Variants in BMP7 observed in about 807,000 individuals in gnomAD.
BMP7 encodes osteogenic protein 1.
BMP7 carries 12 observed loss-of-function variants against 41.2 expected under a neutral mutation model. The observed-to-expected ratio is 0.29, with a 90% CI of 0.19 to 0.47. The LOEUF (loss-of-function observed/expected upper bound fraction) is 0.47, where lower values mean the gene tolerates loss of function less well. BMP7 is among the 20% of genes least tolerant of loss of function. The pLI, the probability that BMP7 is intolerant of heterozygous loss-of-function variation, is 0.99. For synonymous variants in BMP7, 248 were observed against 250.0 expected (o/e 0.99, Z 0.07); for missense variants, 467 against 606.0 (o/e 0.77, Z 2.41).
chr20:57,183,425 CT>C lies in BMP7; in HGVS notation c.958+296del, dbSNP rs10719338. ...GGTCTTCCCATCCACGTTTCAGGGT[CT>C]TTCCTTCATCTCTGTGTAGCTGCAA... On this transcript the variant is annotated intron_variant, in intron 4 of 6. Transcript: ENST00000395863. Among the ~76,000 whole-genome samples the C allele has an allele frequency of 1, 152,337 of 152,338 alleles. 76,168 individuals carry two copies. Among genetic ancestry groups the C allele is most frequent in the Non-Finnish European group, 1 (68,036 of 68,036 alleles).
intron 4 of BMP7, among the ~76,000 whole-genome samples, chr20:57,183,270 T>C (rs1003836737): frequency 6.6e-6 from 1 of 152,086 alleles, no homozygotes; most frequent in Non-Finnish European, 1.5e-5. Flanking sequence ...TATATATATA[T>C]AATATTTATC....
chr20:57,177,489 A>G (rs531048931), intron 4 of BMP7, among the ~76,000 whole-genome samples: 3 of 152,242 alleles, frequency 2.0e-5, no homozygotes, highest in Non-Finnish European at 4.4e-5. Context: ...CTGAGACTAT[A>G]GGCACTCATC....
chr20:57,237,547 G>A (rs1460894003), intron 1 of BMP7, among the ~76,000 whole-genome samples: 1 of 152,162 alleles, frequency 6.6e-6, no homozygotes, highest in African/African-American at 2.4e-5. Context: ...CAAGATTAAG[G>A]AGCTTGAAAA....
At chr20:57,187,597 G>A (rs1984245599) in intron 3 of BMP7, among the ~76,000 whole-genome samples, 1 of 151,278 alleles carries the variant, frequency 6.6e-6, no homozygotes, top group African/African-American at 2.4e-5. Context: ...ACGATTGAGG[G>A]AGGAGGGATA....
rs180762962 is a variant in BMP7 at position 57,261,790 on chromosome 20, G to A, written c.418+3915C>T. On this transcript the variant is annotated intron_variant, in intron 1 of 6. Coordinates refer to ENST00000395863, the MANE Select transcript of BMP7 (RefSeq NM_001719.3). This position sits in a 1 kb window ranked among gnomAD's most constrained non-coding sequence, Gnocchi z 4.1. ...GCCTGCAGTCCACGCTCCCCTTTGC[G>A]AAGCACTCCCTGAAGGAAATTTTTA... is the stretch of plus-strand genomic sequence containing the variant. Among the ~76,000 whole-genome samples, 3 of 152,302 alleles carry A rather than the reference G, an allele frequency of 2.0e-5. No homozygotes were observed. Among genetic ancestry groups the A allele is most frequent in the East Asian group, 3.9e-4 (2 of 5,184 alleles).
At chr20:57,196,665 T>C (rs1206264787) in intron 3 of BMP7, among the ~76,000 whole-genome samples, 1 of 152,218 alleles carries the variant, frequency 6.6e-6, no homozygotes, top group Non-Finnish European at 1.5e-5. Context: ...CTATAATGTC[T>C]CTTAAAATCG....
In BMP7 at chr20:57,257,075, C is replaced by T. The variant is rs954406308; in HGVS notation, c.418+8630G>A. 6.6e-5 allele frequency among the ~76,000 whole-genome samples: 10 copies of T among 152,278 alleles called. No individual in the cohort carries two copies. The East Asian group carries it at 1.9e-3, about 29-fold the overall frequency. On this transcript the variant is annotated intron_variant, in intron 1 of 6. Coordinates refer to ENST00000395863, the MANE Select transcript of BMP7 (RefSeq NM_001719.3). ...CTTATTCGTAACATTCTGAGGACCT[C>T]AGCCTCTCCCAGGGACTCTGCTGCC... is the stretch of plus-strand genomic sequence containing the variant.
chr20:57,206,184 T>C (rs180721605), intron 2 of BMP7, among the ~76,000 whole-genome samples: 5 of 152,296 alleles, frequency 3.3e-5, no homozygotes, highest in Admixed American at 2.0e-4. Context: ...TTGAACACAC[T>C]GGCCTCCCCG....
intron 1 of BMP7, among the ~76,000 whole-genome samples, chr20:57,250,734 A>C (rs1180778526): frequency 6.6e-6 from 1 of 152,138 alleles, no homozygotes; most frequent in African/African-American, 2.4e-5. Flanking sequence ...TAAACCCAGC[A>C]GGTTGCCTGT....
At chr20:57,240,208 AAT>A (rs2066063505) in intron 1 of BMP7, among the ~76,000 whole-genome samples, 2 of 152,202 alleles carry the variant, frequency 1.3e-5, no homozygotes, top group African/African-American at 4.8e-5. Context: ...GCTGCTTAGA[AAT>A]TTCTTCCACC....
chr20:57,203,200 C>T (rs772007470), intron 2 of BMP7, among the ~76,000 whole-genome samples: 4 of 152,256 alleles, frequency 2.6e-5, no homozygotes, highest in Admixed American at 6.5e-5. Flanking sequence ...ATTTCCAGGA[C>T]GTGCACCATC....
intron 1 of BMP7, among the ~76,000 whole-genome samples, chr20:57,265,061 A>AG (rs10632604): frequency 7.6e-5 from 11 of 144,806 alleles, no homozygotes; most frequent in African/African-American, 1.7e-4. Flanking sequence ...AGAAAAGAAA[A>AG]AAAAAGAAAA....
intron 2 of BMP7, among the ~76,000 whole-genome samples, chr20:57,219,442 G>T (rs1396099304): frequency 8.5e-5 from 13 of 152,050 alleles, no homozygotes. Flanking sequence ...CCTAGTTAGA[G>T]GCCCTTTTAA....
intron 1 of BMP7, among the ~76,000 whole-genome samples, chr20:57,251,060 GCT>G (rs989863953): frequency 6.6e-6 from 1 of 152,214 alleles, no homozygotes; most frequent in African/African-American, 2.4e-5. Flanking sequence ...TAACAGAGCA[GCT>G]GAGCTCAGGG....
chr20:57,250,761 G>A (rs933032823), intron 1 of BMP7, among the ~76,000 whole-genome samples: 3 of 152,158 alleles, frequency 2.0e-5, no homozygotes, highest in Non-Finnish European at 1.5e-5. Flanking sequence ...AGCCGGCAAG[G>A]GTGGGCAGAT....
At chr20:57,219,284 TA>T (rs1985128367) in intron 2 of BMP7, among the ~76,000 whole-genome samples, 6 of 125,880 alleles carry the variant, frequency 4.8e-5, no homozygotes, top group African/African-American at 2.9e-4. Flanking sequence ...TGTTTGGTGG[TA>T]GGTAGCAGTG....
intron 1 of BMP7, among the ~76,000 whole-genome samples, chr20:57,262,675 T>G (rs2066158691): frequency 6.6e-6 from 1 of 152,156 alleles, no homozygotes; most frequent in Admixed American, 6.5e-5. Flanking sequence ...AGCAGAGCTC[T>G]GCAGTGCAGG....
rs776921476 is a variant in BMP7 at position 57,265,843 on chromosome 20, C to G, written c.280G>C (p.Glu94Gln). 1.2e-6 allele frequency: 2 copies of G among 1,606,802 alleles called. No individual in the cohort carries two copies. Among genetic ancestry groups the G allele is most frequent in the Non-Finnish European group, 1.7e-6 (2 of 1,177,200 alleles). ...CCCTGGCCGCCGGGCCCGCCGCCCT[C>G]CTCCACCGCCATGGCGTTGTACAGG... is the stretch of plus-strand genomic sequence containing the variant. The part of the protein sequence containing the change: ...LDLYNAMAVE[E>Q]GGGPGGQGFS... Residue 94 changes from glutamate (E) to glutamine (Q), a missense_variant, in exon 1 of 7, where the codon GAG (glutamate) becomes CAG (glutamine). Physicochemically the swap from Glu to Gln is conservative, Grantham distance 29. Coordinates refer to ENST00000395863, the MANE Select transcript of BMP7 (RefSeq NM_001719.3).
chr20:57,222,529 T>G (rs6014954), intron 2 of BMP7, among the ~76,000 whole-genome samples: 100,174 of 151,860 alleles, frequency 0.66, 34,093 homozygotes, highest in African/African-American at 0.83. Context: ...TGCCACTCCC[T>G]CTCAGGCAGC....
Sources: allele counts gnomAD v4.1 joint callset (sites outside exome capture counted in the v4.1 genomes callset), GRCh38; gene constraint gnomAD v4.1.1; non-coding constraint Gnocchi (gnomAD v3.1); transcripts MANE v1.5; gene names NCBI Gene and HGNC (gene_info 2026-07-23, HGNC 2026-07-21).